The following ARL6IP6 variants were observed in gnomAD, a reference collection of about 807,000 sequenced individuals.
ARL6IP6 encodes the protein ADP-ribosylation factor-like protein 6-interacting protein 6.
Under a neutral mutation model 21.5 loss-of-function variants are expected in ARL6IP6, and 22 were observed. That is an observed-to-expected ratio of 1.02 (90% CI 0.73 to 1.46). The LOEUF is 1.46. Among genes scored for constraint, ARL6IP6 ranks in the 40% most tolerant of loss-of-function variants. ARL6IP6 has a pLI of 0.00. For missense variants in ARL6IP6, 388 were observed against 299.8 expected, an observed-to-expected ratio of 1.29 and a Z score of -2.17; for synonymous variants, 164 against 125.3, an observed-to-expected ratio of 1.31 and a Z score of -2.06.
upstream of ARL6IP6, chr2:152,718,108 C>G: frequency 6.1e-6 from 6 of 983,170 alleles, no homozygotes; most frequent in Non-Finnish European, 7.3e-6. Context: ...TAAGGAACCG[C>G]GAGAGCGCCA....
At position 152,718,791 on chromosome 2, in the gene ARL6IP6, G is replaced by T. The variant is rs116506483; in HGVS notation, c.167G>T (p.Arg56Leu). 0.011 allele frequency: 17,499 copies of T among 1,607,064 alleles called. 114 individuals carry two copies. The highest frequency in any genetic ancestry group is 0.013 in the Non-Finnish European group (15,362 of 1,176,672). The change falls in exon 1 of 4, where the codon CGG (arginine) becomes CTG (leucine). Residue 56 changes from arginine to leucine, a missense_variant. Coordinates refer to ENST00000326446, the MANE Select transcript of ARL6IP6 (RefSeq NM_152522.7). ...TGCGACCAAGTGGCCCGCGACCTGC[G>T]GGCGGAGTTCTCGGCTGGGGCGTGG... Reference protein sequence around the residue: ...EGCDQVARDLRAEFSAGAWSE... With the variant: ...EGCDQVARDLLAEFSAGAWSE...
rs912648826 is a variant in ARL6IP6 at position 152,718,723 on chromosome 2, G to T, written c.99G>T (p.Gln33His). The change falls in exon 1 of 4, where the codon CAG becomes CAT. Residue 33 changes from glutamine (Q) to histidine (H), a missense_variant. Transcript: ENST00000326446. ...GGCCATCGTATTCCTCCTTTACTCA[G>T]GGGGACAGCTGGGGTGAAGGCGAAG... ...VARPSYSSFT[Q>H]GDSWGEGEVD... 6.2e-7 allele frequency: 1 copy of T among 1,610,162 alleles called. No individual in the cohort carries two copies. The highest frequency in any genetic ancestry group is 1.3e-5 in the African/African-American group (1 of 74,888).
chr2:152,729,570 T>TA (rs372447284), intron 2 of ARL6IP6, among the ~76,000 whole-genome samples: 18 of 151,256 alleles, frequency 1.2e-4, no homozygotes, highest in Admixed American at 3.9e-4. Flanking sequence ...AAGCTAGAAT[T>TA]AAAAAAAAAC....
At chr2:152,733,050 T>C (rs1269125174) in intron 2 of ARL6IP6, among the ~76,000 whole-genome samples, 1 of 152,208 alleles carries the variant, frequency 6.6e-6, no homozygotes, top group African/African-American at 2.4e-5. Flanking sequence ...TCTCCAAGGC[T>C]ATAAATGACT....
intron 3 of ARL6IP6, among the ~76,000 whole-genome samples, chr2:152,747,120 A>G (rs1701094469): frequency 6.6e-6 from 1 of 151,646 alleles, no homozygotes; most frequent in Non-Finnish European, 1.5e-5. Flanking sequence ...GTGAGCCACC[A>G]CGCCCAGCCA....
At chr2:152,717,658 G>A (rs906625994), upstream of ARL6IP6, 11 of 1,419,952 alleles carry the variant, frequency 7.7e-6, no homozygotes, top group South Asian at 7.5e-5. Context: ...GAGGACGGAG[G>A]AAGTTTCTGC....
intron 3 of ARL6IP6, among the ~76,000 whole-genome samples, chr2:152,752,113 T>C (rs1321620453): frequency 1.3e-5 from 2 of 152,220 alleles, no homozygotes; most frequent in African/African-American, 4.8e-5. Flanking sequence ...GGTCCTTTCC[T>C]TTCCCTTATC....
At chr2:152,759,591 C>T (rs1377822997) in intron 3 of ARL6IP6, among the ~76,000 whole-genome samples, 156 bp from the exon 4 acceptor site, 1 of 152,148 alleles carries the variant, frequency 6.6e-6, no homozygotes, top group Non-Finnish European at 1.5e-5. Flanking sequence ...ACTATTTATC[C>T]TGCAGATGTC....
chr2:152,745,835 T>G (rs930287225), intron 3 of ARL6IP6, among the ~76,000 whole-genome samples: 1 of 152,054 alleles, frequency 6.6e-6, no homozygotes, highest in African/African-American at 2.4e-5. Flanking sequence ...CACCGCGGCT[T>G]CTTGAAGTAA....
chr2:152,738,951 C>T (rs1700677548), intron 3 of ARL6IP6, among the ~76,000 whole-genome samples: 1 of 151,744 alleles, frequency 6.6e-6, no homozygotes, highest in South Asian at 2.1e-4. Flanking sequence ...GTTCCAATTC[C>T]AAACCATGTT....
chr2:152,756,920 C>A (rs545063047), intron 3 of ARL6IP6, among the ~76,000 whole-genome samples: 2 of 151,936 alleles, frequency 1.3e-5, no homozygotes, highest in African/African-American at 4.8e-5. Context: ...AGGATCTATC[C>A]AAGAGAAATA....
At chr2:152,756,384 A>C (rs919788308) in intron 3 of ARL6IP6, among the ~76,000 whole-genome samples, 1 of 152,332 alleles carries the variant, frequency 6.6e-6, no homozygotes, top group Middle Eastern at 3.4e-3. Context: ...TCATTAAGAT[A>C]CAGAATATCT....
At chr2:152,723,589 C>G (rs1462044148) in intron 2 of ARL6IP6, among the ~76,000 whole-genome samples, 1 of 152,096 alleles carries the variant, frequency 6.6e-6, no homozygotes, top group African/African-American at 2.4e-5. Context: ...CTTTCTTTTT[C>G]TAGACAGACT....
In ARL6IP6 at chr2:152,729,813, G is replaced by A. The variant is rs187707194; in HGVS notation, c.455-5181G>A. ...CCAGACTCTTAGCTGATCACTTTTA[G>A]GAATGAAATTGGCAAACTGAGGAAG... On this transcript the variant is annotated intron_variant, in intron 2 of 3. Transcript: ENST00000326446. Among the ~76,000 whole-genome samples the A allele has an allele frequency of 1.6e-3, 250 of 152,262 alleles. 3 individuals carry two copies. The highest frequency in any genetic ancestry group is 2.9e-3 in the Non-Finnish European group (200 of 68,018).
chr2:152,752,042 T>G (rs1399812728), intron 3 of ARL6IP6, among the ~76,000 whole-genome samples: 1 of 152,238 alleles, frequency 6.6e-6, no homozygotes, highest in Non-Finnish European at 1.5e-5. Context: ...TTTTGCTTTA[T>G]TGATCTAAAT....
chr2:152,751,572 T>G (rs1701333433), intron 3 of ARL6IP6, among the ~76,000 whole-genome samples: 1 of 152,106 alleles, frequency 6.6e-6, no homozygotes, highest in Non-Finnish European at 1.5e-5. Flanking sequence ...CAGTTCTACC[T>G]TCTACTTCTA....
chr2:152,729,743 A>G (rs1005726964), intron 2 of ARL6IP6, among the ~76,000 whole-genome samples: 1 of 152,174 alleles, frequency 6.6e-6, no homozygotes, highest in African/African-American at 2.4e-5. Flanking sequence ...TTATATATGT[A>G]CCTGTATTAC....
At chr2:152,720,695 C>A (rs1286271438) in intron 2 of ARL6IP6, 109 bp downstream of exon 2, 1 of 978,124 alleles carries the variant, frequency 1.0e-6, no homozygotes, top group Non-Finnish European at 1.6e-6. Context: ...TATGTGCAGT[C>A]ATTCAGTCTT....
intron 2 of ARL6IP6, among the ~76,000 whole-genome samples, chr2:152,730,337 AG>A (rs1700249564): frequency 6.6e-6 from 1 of 152,136 alleles, no homozygotes; most frequent in Non-Finnish European, 1.5e-5. Context: ...CTTATCTAGA[AG>A]TTTCATCGTT....
Sources: allele counts gnomAD v4.1 joint callset (sites outside exome capture counted in the v4.1 genomes callset), GRCh38; gene constraint gnomAD v4.1.1; transcripts MANE v1.5; gene names NCBI Gene and HGNC (gene_info 2026-07-23, HGNC 2026-07-21).